The following CDC42SE1 variants were observed in gnomAD, a reference collection of about 807,000 sequenced individuals.
CDC42SE1 encodes CDC42 small effector protein 1.
CDC42SE1 carries 10 observed loss-of-function variants against 10.9 expected under a neutral mutation model. The observed-to-expected ratio is 0.92, with a 90% CI of 0.57 to 1.56. The LOEUF (loss-of-function observed/expected upper bound fraction) is 1.56, where lower values mean the gene tolerates loss of function less well. CDC42SE1 is among the 40% of genes most tolerant of loss of function. The pLI is 0.00. For synonymous variants in CDC42SE1, 24 were observed against 32.0 expected (o/e 0.75, Z 0.85); for missense variants, 81 against 100.8 (o/e 0.80, Z 0.84).
intron 2 of CDC42SE1, chr1:151,055,460 GGA>G: frequency 1.6e-6 from 1 of 607,944 alleles, no homozygotes; most frequent in Non-Finnish European, 2.9e-6. Flanking sequence ...AGCTCAGAAT[GGA>G]CAGGAACAGG....
chr1:151,054,399 G>A, intron 3 of CDC42SE1, 78 bp from the exon 4 acceptor site: 2 of 1,157,540 alleles, frequency 1.7e-6, no homozygotes, highest in South Asian at 1.2e-5. Context: ...GCCTTCCAGG[G>A]AAGAGGCTGA....
Position 151,052,915 on chromosome 1 carries a change from A to C in CDC42SE1, c.*429T>G, listed in dbSNP as rs1676208879. The C allele has an allele frequency of 6.6e-6, 1 of 152,252 alleles. No homozygotes were observed. Among genetic ancestry groups the C allele is most frequent in the Non-Finnish European group, 1.5e-5 (1 of 68,064 alleles). 9.4% of individuals were successfully genotyped at this position (152,252 alleles called of 1,614,324 possible). A position where few individuals can be genotyped will look rare whatever the true frequency, so the allele number is the denominator to read the frequency against. ...GGAGGAGAAGGGCAGGGAGGTAGGG[A>C]GCTTCTCAGCAAAGCCAGCTTCAGC... On this transcript the variant is annotated 3_prime_UTR_variant, in exon 5 of 5. Coordinates refer to ENST00000357235, the MANE Select transcript of CDC42SE1 (RefSeq NM_020239.4).
rs1309476931 is a variant in CDC42SE1, at chr1:151,057,736, CACAG to C, written c.-264+1739_-264+1742del. On this transcript the variant is annotated intron_variant, in intron 1 of 4. Coordinates refer to ENST00000357235, the MANE Select transcript of CDC42SE1 (RefSeq NM_020239.4). The surrounding 1 kb of genome is among the most constrained non-coding windows in gnomAD (Gnocchi z 4.0). ...ACACACACACACACACACACACACA[CACAG>C]AGGTTTTTTTTTTTTTTAACAGCCT... 3.0e-5 allele frequency: 3 copies of C among 99,252 alleles called. No homozygotes were observed. The highest frequency in any genetic ancestry group is 7.5e-5 in the African/African-American group (2 of 26,802). The allele number at this position is 99,252 out of a possible 1,614,324, so 6.1% of individuals were successfully genotyped here.
In CDC42SE1 at chr1:151,055,657, T is replaced by C; in HGVS notation, c.54+20A>G. 6.2e-7 allele frequency: 1 copy of C among 1,604,848 alleles called. No individual in the cohort carries two copies. ...TAACTGACTGCTCTTTGGGTTAGGATGGGGGGTGGGGAGACTCACCGGCTG... is the reference window on the plus strand; with the variant it reads ...TAACTGACTGCTCTTTGGGTTAGGACGGGGGGTGGGGAGACTCACCGGCTG... On this transcript the variant is annotated intron_variant, in intron 2 of 4. Coordinates refer to ENST00000357235, the MANE Select transcript of CDC42SE1 (RefSeq NM_020239.4).
At chr1:151,055,359 C>A in intron 2 of CDC42SE1, 1 of 592,236 alleles carries the variant, frequency 1.7e-6, no homozygotes. Flanking sequence ...GAACACTGGA[C>A]AAAGAAAGGA....
At chr1:151,056,059 A>C in intron 1 of CDC42SE1, 66 bp from the exon 2 acceptor site, 3 of 367,822 alleles carry the variant, frequency 8.2e-6, no homozygotes, top group Non-Finnish European at 1.0e-5. Context: ...TCCTTGAGAA[A>C]CCTCCTGATG....
rs1676267553 is a variant in CDC42SE1 at position 151,055,786 on chromosome 1, C to T, written c.-56G>A. On this transcript the variant is annotated 5_prime_UTR_variant, in exon 2 of 5. Transcript: ENST00000357235. Reference sequence around the variant, plus strand: ...GTCTGAGGCCCCAAAGGGCTCTTTCCCTGGTGTTTGGACAACCCACTCCTC... The same window carrying T: ...GTCTGAGGCCCCAAAGGGCTCTTTCTCTGGTGTTTGGACAACCCACTCCTC... 6.8e-7 allele frequency: 1 copy of T among 1,479,374 alleles called. No individual in the cohort carries two copies. Among genetic ancestry groups the T allele is most frequent in the Admixed American group, 1.7e-5 (1 of 57,434 alleles). The allele number at this position is 1,479,374 out of a possible 1,614,324, so 91.6% of individuals were successfully genotyped here.
chr1:151,055,662 G>T lies in CDC42SE1; in HGVS notation c.54+15C>A, dbSNP rs1361235946. 2.5e-6 allele frequency: 4 copies of T among 1,606,912 alleles called. No homozygotes were observed. Among genetic ancestry groups the T allele is most frequent in the Non-Finnish European group, 1.7e-6 (2 of 1,174,042 alleles). ...GACTGCTCTTTGGGTTAGGATGGGG[G>T]GTGGGGAGACTCACCGGCTGGGGTT... On this transcript the variant is annotated intron_variant, in intron 2 of 4. Coordinates refer to ENST00000357235, the MANE Select transcript of CDC42SE1 (RefSeq NM_020239.4).
rs1171913556 is a variant in CDC42SE1 at position 151,052,411 on chromosome 1, A to G, written c.*933T>C. 6.6e-6 allele frequency: 1 copy of G among 152,630 alleles called. No homozygotes were observed. Among genetic ancestry groups the G allele is most frequent in the African/African-American group, 2.4e-5 (1 of 41,444 alleles). The allele number at this position is 152,630 out of a possible 1,614,324, so 9.5% of individuals were successfully genotyped here. On this transcript the variant is annotated 3_prime_UTR_variant, in exon 5 of 5. Coordinates refer to ENST00000357235, the MANE Select transcript of CDC42SE1 (RefSeq NM_020239.4). ...CCTATTTATCTCACCATCCTCAATG[A>G]TCAGAAGTCCACCTTGAGATGGACT...
rs114807121 is a variant in CDC42SE1 at position 151,053,335 on chromosome 1, A to T, written c.*17-8T>A. 10 of 149,906 alleles carry T rather than the reference A, an allele frequency of 6.7e-5. No homozygotes were observed. The highest frequency in any genetic ancestry group is 4.2e-4 in the South Asian group (2 of 4,804). 9.3% of individuals were successfully genotyped at this position (149,906 alleles called of 1,614,324 possible). On this transcript the variant is annotated splice_polypyrimidine_tract_variant and splice_region_variant and intron_variant, in intron 4 of 4. Transcript: ENST00000357235. ...GTTTCAAGATGGCAGAACCTGAAAT[A>T]AAAAAAAAGTTTTTCTTAAAGAAGA...
chr1:151,054,192 G>A, intron 4 of CDC42SE1, 39 bp downstream of exon 4: 1 of 1,276,530 alleles, frequency 7.8e-7, no homozygotes, highest in African/African-American at 1.5e-5. Context: ...GTGCTGTTAT[G>A]GGGGCTGAGG....
rs935822060 is a variant in CDC42SE1, at chr1:151,054,239, T to C, written c.*8A>G. 6 of 1,604,150 alleles carry C rather than the reference T, an allele frequency of 3.7e-6. No homozygotes were observed. The African/African-American group carries it at 8.0e-5, about 21-fold the overall frequency. ...TTTCTCTAATCACTCACCATTCCAT[T>C]ATTGGAGCTATAAGCCCCTAGAATT... is the stretch of plus-strand genomic sequence containing the variant. On this transcript the variant is annotated 3_prime_UTR_variant, in exon 4 of 5. Transcript: ENST00000357235.
chr1:151,052,615 T>A lies in CDC42SE1; in HGVS notation c.*729A>T, dbSNP rs1376371527. The A allele has an allele frequency of 1.3e-5, 2 of 152,540 alleles. No individual in the cohort carries two copies. The highest frequency in any genetic ancestry group is 2.9e-5 in the Non-Finnish European group (2 of 68,014). 9.4% of individuals were successfully genotyped at this position (152,540 alleles called of 1,614,324 possible). A position where few individuals can be genotyped will look rare whatever the true frequency, so the allele number is the denominator to read the frequency against. ...ATTCGGTGGGAAACAAGGTTCCTAATAGGGATAGAGTTAAGGGCGGAGGCA... is the reference window on the plus strand; with the variant it reads ...ATTCGGTGGGAAACAAGGTTCCTAAAAGGGATAGAGTTAAGGGCGGAGGCA... On this transcript the variant is annotated 3_prime_UTR_variant, in exon 5 of 5. Coordinates refer to ENST00000357235, the MANE Select transcript of CDC42SE1 (RefSeq NM_020239.4).
In CDC42SE1 at chr1:151,053,101, C is replaced by G. The variant is rs915758674; in HGVS notation, c.*243G>C. On this transcript the variant is annotated 3_prime_UTR_variant, in exon 5 of 5. Transcript: ENST00000357235. Reference sequence around the variant, plus strand: ...GGTTTCCAGGGCTTCAGCTGAGCTCCTCTGGCTAACCAGTAGTCACTTGAT... The same window carrying G: ...GGTTTCCAGGGCTTCAGCTGAGCTCGTCTGGCTAACCAGTAGTCACTTGAT... 2 of 152,594 alleles carry G rather than the reference C, an allele frequency of 1.3e-5. No individual in the cohort carries two copies. The highest frequency in any genetic ancestry group is 2.9e-5 in the Non-Finnish European group (2 of 68,124). 9.5% of individuals were successfully genotyped at this position (152,594 alleles called of 1,614,324 possible).
rs1011784428 is a variant in CDC42SE1 at position 151,051,135 on chromosome 1, GAA to G, written c.*2207_*2208del. ...AGCTAAAGGCAAGAGAGCACCAAAGGAAAAAGACTGTCCAAAGAACAGGTATT... is the reference window on the plus strand; with the variant it reads ...AGCTAAAGGCAAGAGAGCACCAAAGGAAAGACTGTCCAAAGAACAGGTATT... On this transcript the variant is annotated 3_prime_UTR_variant, in exon 5 of 5. Transcript: ENST00000357235. 3 of 151,910 alleles carry G rather than the reference GAA, an allele frequency of 2.0e-5. No individual in the cohort carries two copies. Among genetic ancestry groups the G allele is most frequent in the African/African-American group, 7.3e-5 (3 of 41,372 alleles). The allele number at this position is 151,910 out of a possible 1,614,324, so 9.4% of individuals were successfully genotyped here. A position where few individuals can be genotyped will look rare whatever the true frequency, so the allele number is the denominator to read the frequency against.
Position 151,055,009 on chromosome 1 carries a change from T to C in CDC42SE1, c.165+7A>G, listed in dbSNP as rs1466473285. ...CCTGTATCAACCTCTCCCCATTTCC[T>C]TGTTACCATGGCAAGTCCATCTCCG... On this transcript the variant is annotated splice_region_variant and intron_variant, in intron 3 of 4. Coordinates refer to ENST00000357235, the MANE Select transcript of CDC42SE1 (RefSeq NM_020239.4). The C allele has an allele frequency of 1.9e-6, 3 of 1,606,650 alleles. No individual in the cohort carries two copies. Among genetic ancestry groups the C allele is most frequent in the South Asian group, 1.1e-5 (1 of 90,956 alleles).
At chr1:151,059,315 G>A (rs1464243771) in intron 1 of CDC42SE1, 164 bp downstream of exon 1, 1 of 152,576 alleles carries the variant, frequency 6.6e-6, no homozygotes, top group Non-Finnish European at 1.5e-5. Context: ...CGCACCCCAG[G>A]AGCGTGGATG....
At chr1:151,054,020 A>G (rs1676234457) in intron 4 of CDC42SE1, among the ~76,000 whole-genome samples, 1 of 151,636 alleles carries the variant, frequency 6.6e-6, no homozygotes, top group Non-Finnish European at 1.5e-5. Context: ...TGGTAGAGAC[A>G]GGGTTTTGCC....
chr1:151,054,048 C>G (rs932583751), intron 4 of CDC42SE1, among the ~76,000 whole-genome samples, 183 bp downstream of exon 4: 4 of 151,884 alleles, frequency 2.6e-5, no homozygotes, highest in African/African-American at 9.7e-5. Context: ...CCAGGCTGGT[C>G]TTGAACTCCT....
Sources: gnomAD v4.1 joint callset for allele counts (sites outside exome capture counted in the v4.1 genomes callset) on GRCh38, gnomAD v4.1.1 for gene constraint, Gnocchi (gnomAD v3.1) non-coding constraint, MANE v1.5 for transcripts, NCBI Gene and HGNC (gene_info 2026-07-23, HGNC 2026-07-21) for gene names.